Variants in PIEZO2 observed in about 807,000 individuals in gnomAD.
The protein encoded by PIEZO2 is piezo type mechanosensitive ion channel component 2, also known as piezo-type mechanosensitive ion channel component 2.
A neutral mutation model predicts 337.3 loss-of-function variants in PIEZO2; 172 were observed. The observed-to-expected ratio is 0.51, with a 90% CI of 0.45 to 0.58. PIEZO2 has a LOEUF of 0.58. Among genes scored for constraint, PIEZO2 ranks in the 20% least tolerant of loss-of-function variants. PIEZO2 has a pLI of 0.00. For missense variants in PIEZO2, 3,028 were observed against 3,391.3 expected, an observed-to-expected ratio of 0.89 and a Z score of 2.66; for synonymous variants, 1,251 against 1,228.5, an observed-to-expected ratio of 1.02 and a Z score of -0.38.
chr18:10,728,007 T>C (rs911457007), intron 36 of PIEZO2: 2 of 150,224 alleles, frequency 1.3e-5, no homozygotes, highest in African/African-American at 4.9e-5. Flanking sequence ...GACATATAAA[T>C]AGCATGAATT....
chr18:10,744,111 G>C (rs535573137), intron 31 of PIEZO2, 31 bp downstream of exon 31: 2 of 1,460,642 alleles, frequency 1.4e-6, no homozygotes, highest in South Asian at 1.2e-5. Context: ...TCAGAAGACG[G>C]AAGGAGGATG....
intron 1 of PIEZO2, among the ~76,000 whole-genome samples, chr18:11,122,022 C>T (rs1054094456): frequency 1.3e-5 from 2 of 152,068 alleles, no homozygotes; most frequent in African/African-American, 4.8e-5. Flanking sequence ...GGCGCTATCT[C>T]GGCTCACTGC....
chr18:10,945,869 T>C lies in PIEZO2; in HGVS notation c.286+33666A>G, dbSNP rs1396807479. Among the ~76,000 whole-genome samples, 1 of 152,042 alleles carries C rather than the reference T, an allele frequency of 6.6e-6. No homozygotes were observed. Among genetic ancestry groups the C allele is most frequent in the African/African-American group, 2.4e-5 (1 of 41,392 alleles). On this transcript the variant is annotated intron_variant, in intron 3 of 55. Coordinates refer to ENST00000674853, the MANE Select transcript of PIEZO2 (RefSeq NM_001378183.1). The surrounding 1 kb of genome is among the most constrained non-coding windows in gnomAD (Gnocchi z 4.0). ...GAGATAATAACTATAATGCCTGAAA[T>C]TGAAAACACACTGAATGGGGATTAA...
chr18:10,675,272 A>C lies in PIEZO2; in HGVS notation c.8098T>G (p.Tyr2700Asp), dbSNP rs1281726615. 6.5e-7 allele frequency: 1 copy of C among 1,538,548 alleles called. No homozygotes were observed. The highest frequency in any genetic ancestry group is 8.8e-7 in the Non-Finnish European group (1 of 1,135,968). The change falls in exon 54 of 56, where the codon TAT becomes GAT. Residue 2700 changes from tyrosine (Y) to aspartate (D), a missense_variant. Physicochemically the swap from Tyr to Asp is radical, Grantham distance 160 (BLOSUM62 -3). Transcript: ENST00000674853. ...SKTPVTIEKIYPYYVKAPSDS... is the reference protein window; with the variant it reads ...SKTPVTIEKIDPYYVKAPSDS... ...CTAGGTGCTTTCACATAATATGGAT[A>C]AATCTTTTCTATGGTCCTGTACATT...
At chr18:10,939,129 C>T (rs2032573424) in intron 3 of PIEZO2, among the ~76,000 whole-genome samples, 1 of 152,034 alleles carries the variant, frequency 6.6e-6, no homozygotes. Flanking sequence ...AGAAACAATT[C>T]TTTAAAAAGT....
At chr18:10,744,435 G>A (rs763704048) in intron 30 of PIEZO2, among the ~76,000 whole-genome samples, 18 of 152,122 alleles carry the variant, frequency 1.2e-4, no homozygotes, top group African/African-American at 4.3e-4. Context: ...TTCCCCCTGG[G>A]AGTGAAGGGG....
rs2039491571 is a variant in PIEZO2, at chr18:11,104,006, T to C, written c.65-37784A>G. ...ACACCCAGCTAAGTGGTCATATTTTTAATTCACTTTCAAAACACGTGGATC... is the reference window on the plus strand; with the variant it reads ...ACACCCAGCTAAGTGGTCATATTTTCAATTCACTTTCAAAACACGTGGATC... On this transcript the variant is annotated intron_variant, in intron 1 of 55. Transcript: ENST00000674853. The surrounding 1 kb of genome is among the most constrained non-coding windows in gnomAD (Gnocchi z 4.6). 6.6e-6 allele frequency among the ~76,000 whole-genome samples: 1 copy of C among 152,180 alleles called. No homozygotes were observed. Among genetic ancestry groups the C allele is most frequent in the African/African-American group, 2.4e-5 (1 of 41,446 alleles).
At chr18:10,799,819 A>G (rs574986159) in intron 11 of PIEZO2, among the ~76,000 whole-genome samples, 20 of 151,364 alleles carry the variant, frequency 1.3e-4, no homozygotes, top group African/African-American at 4.9e-4. Flanking sequence ...CTAAAATACA[A>G]AAAATTAGCC....
intron 3 of PIEZO2, among the ~76,000 whole-genome samples, chr18:10,948,126 C>A (rs560550396): frequency 6.6e-6 from 1 of 151,972 alleles, no homozygotes; most frequent in African/African-American, 2.4e-5. Context: ...AGGAGCACAC[C>A]AAGATTTCTA....
Position 10,783,157 on chromosome 18 carries a change from A to G in PIEZO2, c.2492+1627T>C, listed in dbSNP as rs549023906. On this transcript the variant is annotated intron_variant, in intron 17 of 55. Coordinates refer to ENST00000674853, the MANE Select transcript of PIEZO2 (RefSeq NM_001378183.1). The surrounding 1 kb of genome is among the most constrained non-coding windows in gnomAD (Gnocchi z 4.3). ...TGGAAGAAAAAAAAGATTTTTTTTT[A>G]AAAAAGATTTCACTAGCAATGCTTA... Among the ~76,000 whole-genome samples the G allele has an allele frequency of 1.3e-5, 2 of 151,990 alleles. No homozygotes were observed. Among genetic ancestry groups the G allele is most frequent in the Non-Finnish European group, 2.9e-5 (2 of 67,932 alleles).
rs1441752436 is a variant in PIEZO2 at position 10,863,884 on chromosome 18, A to ACACACACACACACACACACACACACC, written c.493-6674_493-6673insGGTGTGTGTGTGTGTGTGTGTGTGTG. Among the ~76,000 whole-genome samples the ACACACACACACACACACACACACACC allele has an allele frequency of 6.6e-6, 1 of 151,888 alleles. No individual in the cohort carries two copies. Among genetic ancestry groups the ACACACACACACACACACACACACACC allele is most frequent in the African/African-American group, 2.4e-5 (1 of 41,326 alleles). ...CAAATCAGCAGTCACACACACACAC[A>ACACACACACACACACACACACACACC]CCTATATCATCCACTCAGTTCACAT... On this transcript the variant is annotated intron_variant, in intron 5 of 55. Coordinates refer to ENST00000674853, the MANE Select transcript of PIEZO2 (RefSeq NM_001378183.1). The surrounding 1 kb of genome is among the most constrained non-coding windows in gnomAD (Gnocchi z 4.3).
rs1273334776 is a variant in PIEZO2, at chr18:10,940,023, G to T, written c.287-28795C>A. ...ATGTATACTCTAGGGACATATATAT[G>T]ACTATGTTAGTTCCTTATTATCTAT... On this transcript the variant is annotated intron_variant, in intron 3 of 55. Coordinates refer to ENST00000674853, the MANE Select transcript of PIEZO2 (RefSeq NM_001378183.1). The surrounding 1 kb of genome is among the most constrained non-coding windows in gnomAD (Gnocchi z 5.3). Among the ~76,000 whole-genome samples the T allele has an allele frequency of 6.6e-6, 1 of 152,044 alleles. No homozygotes were observed. Among genetic ancestry groups the T allele is most frequent in the Non-Finnish European group, 1.5e-5 (1 of 68,032 alleles).
At chr18:10,912,831 C>T (rs1195632506) in intron 3 of PIEZO2, among the ~76,000 whole-genome samples, 3 of 152,114 alleles carry the variant, frequency 2.0e-5, no homozygotes, top group Admixed American at 6.5e-5. Context: ...TTAAATAATT[C>T]TGATAAATAA....
intron 5 of PIEZO2, among the ~76,000 whole-genome samples, chr18:10,869,372 C>T (rs1183474345): frequency 5.9e-5 from 9 of 152,082 alleles, no homozygotes; most frequent in Non-Finnish European, 1.0e-4. Context: ...ATCTGGATGA[C>T]GGGTTGTTGG....
intron 2 of PIEZO2, among the ~76,000 whole-genome samples, chr18:10,984,918 G>A (rs1469135596): frequency 6.6e-6 from 1 of 152,060 alleles, no homozygotes; most frequent in African/African-American, 2.4e-5. Context: ...TACAGACCAG[G>A]AGAGAGTGGG....
intron 2 of PIEZO2, among the ~76,000 whole-genome samples, chr18:11,036,317 G>C (rs964095172): frequency 4.6e-5 from 7 of 152,120 alleles, no homozygotes; most frequent in Non-Finnish European, 1.0e-4. Context: ...GTTAAGAATT[G>C]CTACACTGCT....
chr18:10,758,243 T>C (rs911700635), intron 26 of PIEZO2, 109 bp from the exon 27 acceptor site: 3 of 1,248,678 alleles, frequency 2.4e-6, no homozygotes, highest in Non-Finnish European at 1.1e-6. Flanking sequence ...CCTAAGTGAG[T>C]TGTGTTCCCA....
intron 1 of PIEZO2, among the ~76,000 whole-genome samples, chr18:11,134,818 T>C (rs2040435701): frequency 6.6e-6 from 1 of 152,078 alleles, no homozygotes; most frequent in Admixed American, 6.6e-5. Flanking sequence ...TAAATAAAAA[T>C]GTTTCCCAAT....
intron 2 of PIEZO2, among the ~76,000 whole-genome samples, chr18:11,000,249 C>T (rs2046303): frequency 0.023 from 3,502 of 152,336 alleles, 56 homozygotes; most frequent in Middle Eastern, 0.071. Context: ...GAATTCCCCA[C>T]TGTGCCCCAC....
Sources: allele counts gnomAD v4.1 joint callset (sites outside exome capture counted in the v4.1 genomes callset), GRCh38; gene constraint gnomAD v4.1.1; non-coding constraint Gnocchi (gnomAD v3.1); transcripts MANE v1.5; gene names NCBI Gene and HGNC (gene_info 2026-07-23, HGNC 2026-07-21).